Variants in CCSAP observed in about 807,000 individuals in gnomAD.
CCSAP encodes the protein centriole, cilia and spindle-associated protein.
A neutral mutation model predicts 25.9 loss-of-function variants in CCSAP; 17 were observed. The observed-to-expected ratio is 0.66, with a 90% confidence interval of 0.45 to 0.99. CCSAP has a LOEUF of 0.99. CCSAP is among the 50% of genes least tolerant of loss of function. The pLI, the probability that CCSAP is intolerant of heterozygous loss-of-function variation, is 0.00. For synonymous variants in CCSAP, 169 were observed against 157.1 expected, an observed-to-expected ratio of 1.08 and a Z score of -0.57; for missense variants, 339 against 367.8, an observed-to-expected ratio of 0.92 and a Z score of 0.64.
At chr1:229,332,579 T>A (rs993436682) in intron 2 of CCSAP, among the ~76,000 whole-genome samples, 2 of 152,184 alleles carry the variant, frequency 1.3e-5, no homozygotes, top group African/African-American at 2.4e-5. Flanking sequence ...TATCCACCAG[T>A]TATGGTGGAA....
rs764182749 is a variant in CCSAP at position 229,321,813 on chromosome 1, A to G, written c.*3422T>C. ...GGCCCTCTGTATCCGTGAGTTCTGC[A>G]TCCATGGATTCAACCAAATACAAAT... On this transcript the variant is annotated 3_prime_UTR_variant, in exon 4 of 4. Coordinates refer to ENST00000284617, the MANE Select transcript of CCSAP (RefSeq NM_145257.5). The G allele has an allele frequency of 6.6e-6, 1 of 152,232 alleles. No individual in the cohort carries two copies. The highest frequency in any genetic ancestry group is 2.1e-4 in the South Asian group (1 of 4,834). 9.4% of individuals were successfully genotyped at this position (152,232 alleles called of 1,614,324 possible).
At chr1:229,336,112 C>T (rs1049632946) in intron 2 of CCSAP, among the ~76,000 whole-genome samples, 8 of 147,782 alleles carry the variant, frequency 5.4e-5, no homozygotes, top group African/African-American at 1.0e-4. Flanking sequence ...TGAATATCCA[C>T]GGATTTTGGT....
In CCSAP at chr1:229,342,232, C is replaced by T; in HGVS notation, c.234G>A (p.Pro78=). Residue 78 remains proline, a synonymous_variant, in exon 2 of 4, where the codon CCG becomes CCA. Coordinates refer to ENST00000284617, the MANE Select transcript of CCSAP (RefSeq NM_145257.5). The surrounding 1 kb of genome is among the most constrained non-coding windows in gnomAD (Gnocchi z 7.5). Reference sequence around the variant, plus strand: ...GCTCTACGGGCGGCGGGGGCGAGGGCGGGGCGCACCGGGGTGCGGGGCCCC... The same window carrying T: ...GCTCTACGGGCGGCGGGGGCGAGGGTGGGGCGCACCGGGGTGCGGGGCCCC... ...GAGGPAPRCA[P]PSPPPPVEPA... 3 of 1,260,462 alleles carry T rather than the reference C, an allele frequency of 2.4e-6. No homozygotes were observed. The highest frequency in any genetic ancestry group is 3.0e-6 in the Non-Finnish European group (3 of 1,005,450). The allele number at this position is 1,260,462 out of a possible 1,614,324, so 78.1% of individuals were successfully genotyped here. A position where few individuals can be genotyped will look rare whatever the true frequency, so the allele number is the denominator to read the frequency against.
intron 2 of CCSAP, among the ~76,000 whole-genome samples, chr1:229,338,250 A>G (rs894399798): frequency 2.0e-5 from 3 of 152,272 alleles, no homozygotes; most frequent in East Asian, 1.9e-4. Context: ...AAGCCAACAG[A>G]TAAGATTAAA....
In CCSAP at chr1:229,323,479, T is replaced by C. The variant is rs1221293987; in HGVS notation, c.*1756A>G. On this transcript the variant is annotated 3_prime_UTR_variant, in exon 4 of 4. Coordinates refer to ENST00000284617, the MANE Select transcript of CCSAP (RefSeq NM_145257.5). ...AGAAGCGACTTTAAAGGAACAGTTT[T>C]CACAATCAGCTAGCTACACCATCAC... 1 of 152,222 alleles carries C rather than the reference T, an allele frequency of 6.6e-6. No individual in the cohort carries two copies. The highest frequency in any genetic ancestry group is 1.9e-4 in the East Asian group (1 of 5,204). 9.4% of individuals were successfully genotyped at this position (152,222 alleles called of 1,614,324 possible).
At chr1:229,326,179 G>A (rs754061824) in intron 3 of CCSAP, among the ~76,000 whole-genome samples, 45 of 152,246 alleles carry the variant, frequency 3.0e-4, no homozygotes, top group Non-Finnish European at 2.9e-4. Context: ...CTAAGGCTAA[G>A]TCAGGGGAGG....
intron 3 of CCSAP, 121 bp downstream of exon 3, chr1:229,326,617 C>G: frequency 8.3e-7 from 1 of 1,199,788 alleles, no homozygotes; most frequent in East Asian, 2.3e-5. Flanking sequence ...ATGCTATCCC[C>G]TAAGATCTCC....
At chr1:229,340,312 T>G in intron 2 of CCSAP, 1 of 682,366 alleles carries the variant, frequency 1.5e-6, no homozygotes, top group Non-Finnish European at 2.7e-6. Flanking sequence ...TTCTTCCTGA[T>G]GCCTAAACCA....
At position 229,342,075 on chromosome 1, in the gene CCSAP, C is replaced by A; in HGVS notation, c.367+24G>T. On this transcript the variant is annotated intron_variant, in intron 2 of 3. Transcript: ENST00000284617. The surrounding 1 kb of genome is among the most constrained non-coding windows in gnomAD (Gnocchi z 7.5). ...AAACCGTCCCTGCGTGCAGGCCCCT[C>A]GCGCTCCCCTCCGGGCCGGGTACCT... The A allele has an allele frequency of 1.5e-6, 2 of 1,320,888 alleles. No individual in the cohort carries two copies. The highest frequency in any genetic ancestry group is 2.0e-4 in the Middle Eastern group (1 of 4,988). The allele number at this position is 1,320,888 out of a possible 1,614,324, so 81.8% of individuals were successfully genotyped here.
intron 2 of CCSAP, among the ~76,000 whole-genome samples, chr1:229,333,854 C>T (rs1658137757): frequency 6.6e-6 from 1 of 151,994 alleles, no homozygotes. Flanking sequence ...GCACTCCAGC[C>T]TGAGTGACAG....
chr1:229,337,670 C>CAAAAAAAAAAAAAAAAAAAAAAAAAAA (rs539736168), intron 2 of CCSAP, among the ~76,000 whole-genome samples: 2 of 56,040 alleles, frequency 3.6e-5, no homozygotes, highest in African/African-American at 1.5e-4. Flanking sequence ...ATCAAAGGCT[C>CAAAAAAAAAAAAAAAAAAAAAAAAAAA]AAAAAAAAAT....
intron 2 of CCSAP, among the ~76,000 whole-genome samples, chr1:229,340,182 C>A (rs1658297377): frequency 6.6e-6 from 1 of 152,162 alleles, no homozygotes; most frequent in Non-Finnish European, 1.5e-5. Context: ...TTAAAACCAT[C>A]CACTTAAAAA....
chr1:229,336,167 G>T (rs891568668), intron 2 of CCSAP, among the ~76,000 whole-genome samples: 2 of 147,852 alleles, frequency 1.4e-5, no homozygotes, highest in African/African-American at 5.0e-5. Flanking sequence ...GATACCAAGG[G>T]ACAACTGTTT....
At position 229,321,466 on chromosome 1, in the gene CCSAP, T is replaced by C. The variant is rs1027015535; in HGVS notation, c.*3769A>G. On this transcript the variant is annotated 3_prime_UTR_variant, in exon 4 of 4. Coordinates refer to ENST00000284617, the MANE Select transcript of CCSAP (RefSeq NM_145257.5). ...CATATCCACCCTATAGTACAAAAATTCATTTCAAATGCAAACGTTGTGCAA... is the reference window on the plus strand; with the variant it reads ...CATATCCACCCTATAGTACAAAAATCCATTTCAAATGCAAACGTTGTGCAA... 2.0e-5 allele frequency: 3 copies of C among 152,164 alleles called. No individual in the cohort carries two copies. Among genetic ancestry groups the C allele is most frequent in the African/African-American group, 7.2e-5 (3 of 41,448 alleles). 9.4% of individuals were successfully genotyped at this position (152,164 alleles called of 1,614,324 possible). A position where few individuals can be genotyped will look rare whatever the true frequency, so the allele number is the denominator to read the frequency against.
At chr1:229,338,538 AAC>A (rs55718200) in intron 2 of CCSAP, among the ~76,000 whole-genome samples, 25,820 of 141,552 alleles carry the variant, frequency 0.18, 2,297 homozygotes, top group East Asian at 0.22. Context: ...CCCAAACCCC[AAC>A]ACACACACAC....
chr1:229,339,860 G>A (rs2102699735), intron 2 of CCSAP, among the ~76,000 whole-genome samples: 1 of 152,264 alleles, frequency 6.6e-6, no homozygotes, highest in South Asian at 2.1e-4. Context: ...AACTCTATGA[G>A]GACTGTATTG....
intron 2 of CCSAP, among the ~76,000 whole-genome samples, chr1:229,330,840 A>C (rs1386744629): frequency 6.6e-6 from 1 of 151,934 alleles, no homozygotes; most frequent in African/African-American, 2.4e-5. Flanking sequence ...ATCTAAAAAA[A>C]AAAAAAAAAA....
At chr1:229,335,809 C>A (rs1031457246) in intron 2 of CCSAP, among the ~76,000 whole-genome samples, 14 of 152,138 alleles carry the variant, frequency 9.2e-5, no homozygotes, top group Admixed American at 8.5e-4. Flanking sequence ...CCAGGGCCAA[C>A]TTCCAGCCCA....
intron 2 of CCSAP, among the ~76,000 whole-genome samples, chr1:229,330,471 C>G (rs1398088535): frequency 6.6e-6 from 1 of 152,064 alleles, no homozygotes; most frequent in Non-Finnish European, 1.5e-5. Context: ...AAGGAGAACC[C>G]GAGATGGGAG....
Sources: gnomAD v4.1 joint callset for allele counts (sites outside exome capture counted in the v4.1 genomes callset) on GRCh38, gnomAD v4.1.1 for gene constraint, Gnocchi (gnomAD v3.1) non-coding constraint, MANE v1.5 for transcripts, NCBI Gene and HGNC (gene_info 2026-07-23, HGNC 2026-07-21) for gene names.